GPSM1: variants seen among roughly 807,000 people sequenced by gnomAD.
GPSM1 encodes G protein-signaling modulator 1.
In GPSM1, 48 loss-of-function variants were observed where a neutral mutation model predicts 70.5. The observed-to-expected ratio is 0.68, with a 90% CI of 0.54 to 0.87. The LOEUF (loss-of-function observed/expected upper bound fraction) is 0.87. Ranked by LOEUF, GPSM1 falls within the 40% of genes least tolerant of loss-of-function variation. The pLI, the probability that GPSM1 is intolerant of heterozygous loss-of-function variation, is 0.00. For synonymous variants in GPSM1, 416 were observed against 430.1 expected (o/e 0.97, Z 0.41); for missense variants, 981 against 972.6 (o/e 1.01, Z -0.11).
chr9:136,349,746 G>T lies in GPSM1; in HGVS notation c.1438G>T (p.Val480Leu). Reference sequence around the variant, plus strand: ...CCCGCTGGACAGCGCCGACGTCCGGGTGCACGTGCCACGCACGGTAGGCGT... The same window carrying T: ...CCCGCTGGACAGCGCCGACGTCCGGTTGCACGTGCCACGCACGGTAGGCGT... ...HSPLDSADVRVHVPRTSIPRA... is the reference protein window; with the variant it reads ...HSPLDSADVRLHVPRTSIPRA... The change falls in exon 11 of 14, where the codon GTG becomes TTG. Residue 480 changes from valine to leucine, a missense_variant. By Grantham distance (32) the Val-to-Leu change is conservative (BLOSUM62 1). Transcript: ENST00000440944. 1 of 1,581,620 alleles carries T rather than the reference G, an allele frequency of 6.3e-7. No individual in the cohort carries two copies. The highest frequency in any genetic ancestry group is 8.6e-7 in the Non-Finnish European group (1 of 1,165,570).
intron 11 of GPSM1, 50 bp downstream of exon 11, chr9:136,349,813 A>G: frequency 6.7e-7 from 1 of 1,486,306 alleles, no homozygotes. Flanking sequence ...AGAGCTTGGC[A>G]ACTGCGCCCC....
intron 1 of GPSM1, among the ~76,000 whole-genome samples, chr9:136,331,205 C>CATG (rs1244237081): frequency 6.6e-6 from 1 of 152,194 alleles, no homozygotes; most frequent in Non-Finnish European, 1.5e-5. Flanking sequence ...GAACGTGGTC[C>CATG]ATGCCTCCCA....
intron 11 of GPSM1, chr9:136,354,712 C>A: frequency 1.6e-6 from 1 of 613,620 alleles, no homozygotes; most frequent in Non-Finnish European, 2.0e-6. Flanking sequence ...CACAGGAGAC[C>A]ACGCCCTCCA....
chr9:136,339,876 G>A, intron 8 of GPSM1, 61 bp downstream of exon 8: 1 of 1,085,428 alleles, frequency 9.2e-7, no homozygotes, highest in Non-Finnish European at 1.4e-6. Flanking sequence ...GACGGGCCGG[G>A]TCCCCTCTGC....
chr9:136,342,546 G>A lies in GPSM1; in HGVS notation c.1207+1553G>A, dbSNP rs565371777. 1.3e-5 allele frequency among the ~76,000 whole-genome samples: 2 copies of A among 152,284 alleles called. No individual in the cohort carries two copies. The highest frequency in any genetic ancestry group is 4.1e-4 in the South Asian group (2 of 4,832). On this transcript the variant is annotated intron_variant, in intron 9 of 13. Coordinates refer to ENST00000440944, the MANE Select transcript of GPSM1 (RefSeq NM_001145638.3). The surrounding 1 kb of genome is among the most constrained non-coding windows in gnomAD (Gnocchi z 5.5). ...CCCAGGGCAGCCCGGCAGCCTGGCT[G>A]GGGCCGCCGCCCGGCTGCCGCTGTG... is the stretch of plus-strand genomic sequence containing the variant.
At chr9:136,344,710 A>G (rs1554770963) in intron 9 of GPSM1, among the ~76,000 whole-genome samples, 1 of 143,096 alleles carries the variant, frequency 7.0e-6, no homozygotes, top group East Asian at 2.0e-4. Flanking sequence ...CAGTCTGGGC[A>G]GAGATAACAG....
At chr9:136,349,924 G>T (rs28445975) in intron 11 of GPSM1, among the ~76,000 whole-genome samples, 161 bp downstream of exon 11, 27,674 of 152,204 alleles carry the variant, frequency 0.18, 2,705 homozygotes, top group Non-Finnish European at 0.21. Flanking sequence ...CTGGGACCCC[G>T]GTGGGGGCTC....
intron 11 of GPSM1, among the ~76,000 whole-genome samples, chr9:136,352,000 A>G (rs1262838884): frequency 2.6e-5 from 4 of 152,072 alleles, no homozygotes; most frequent in Admixed American, 6.5e-5. Context: ...TCCTCAGGGA[A>G]GGGCTTTCAG....
chr9:136,334,702 G>A, intron 2 of GPSM1, 34 bp downstream of exon 2: 2 of 1,558,968 alleles, frequency 1.3e-6, no homozygotes, highest in South Asian at 1.1e-5. Context: ...CGGGTGAGTG[G>A]GGCGGCCCTG....
intron 11 of GPSM1, among the ~76,000 whole-genome samples, chr9:136,352,741 C>T (rs1405998084): frequency 6.6e-6 from 1 of 152,250 alleles, no homozygotes; most frequent in African/African-American, 2.4e-5. Context: ...CCACCTGGCC[C>T]AGCTCTGGAG....
chr9:136,337,921 G>A lies in GPSM1; in HGVS notation c.778G>A (p.Val260Ile), dbSNP rs566571346. Residue 260 changes from valine to isoleucine, a missense_variant, in exon 6 of 14, where the codon GTC (valine) becomes ATC (isoleucine). Physicochemically the swap from Val to Ile is conservative, Grantham distance 29 (BLOSUM62 3). Coordinates refer to ENST00000440944, the MANE Select transcript of GPSM1 (RefSeq NM_001145638.3). ...RAYSNLGNAH[V>I]FLGRFDVAAE... ...CTACAGCAACCTGGGGAACGCCCACGTCTTCCTGGGGCGCTTTGACGTGGC... is the reference window on the plus strand; with the variant it reads ...CTACAGCAACCTGGGGAACGCCCACATCTTCCTGGGGCGCTTTGACGTGGC... 7 of 1,612,392 alleles carry A rather than the reference G, an allele frequency of 4.3e-6. No individual in the cohort carries two copies. Among genetic ancestry groups the A allele is most frequent in the South Asian group, 3.3e-5 (3 of 91,076 alleles).
At chr9:136,348,336 C>G (rs1283241857) in intron 9 of GPSM1, among the ~76,000 whole-genome samples, 1 of 152,180 alleles carries the variant, frequency 6.6e-6, no homozygotes, top group East Asian at 1.9e-4. Flanking sequence ...CAGAGGTGAC[C>G]AGGGGCCACA....
Position 136,336,115 on chromosome 9 carries a change from C to A in GPSM1, c.426+14C>A. 1 of 1,608,252 alleles carries A rather than the reference C, an allele frequency of 6.2e-7. No individual in the cohort carries two copies. Among genetic ancestry groups the A allele is most frequent in the South Asian group, 1.1e-5 (1 of 90,862 alleles). On this transcript the variant is annotated intron_variant, in intron 3 of 13. Coordinates refer to ENST00000440944, the MANE Select transcript of GPSM1 (RefSeq NM_001145638.3). ...CAGGGAGACAAGGTGGGGGCTTGGT[C>A]CGGGGCTGGGTGTCTCCCACCCCTG...
At chr9:136,352,055 A>ACGGCGCCG (rs1832677767) in intron 11 of GPSM1, among the ~76,000 whole-genome samples, 1 of 147,834 alleles carries the variant, frequency 6.8e-6, no homozygotes. Flanking sequence ...TGATACCAAT[A>ACGGCGCCG]CTGCGCCGTT....
intron 12 of GPSM1, 32 bp from the exon 13 acceptor site, chr9:136,356,310 G>C: frequency 1.3e-6 from 2 of 1,483,368 alleles, no homozygotes; most frequent in Non-Finnish European, 1.8e-6. Context: ...CCCCGCACTG[G>C]GTCCCAGGTC....
rs782219734 is a variant in GPSM1, at chr9:136,335,998, C to A, written c.323C>A (p.Ala108Asp). The change falls in exon 3 of 14, where the codon GCC becomes GAC. Residue 108 changes from alanine to aspartate, a missense_variant. Ala to Asp is a moderately radical substitution (Grantham distance 126). Coordinates refer to ENST00000440944, the MANE Select transcript of GPSM1 (RefSeq NM_001145638.3). The part of the protein sequence containing the change: ...TIGDRMGEAK[A>D]SGNLGNTLKV... ...GGTGACCGCATGGGGGAGGCCAAGGCCAGTGGAAACCTGGGAAACACACTC... is the reference window on the plus strand; with the variant it reads ...GGTGACCGCATGGGGGAGGCCAAGGACAGTGGAAACCTGGGAAACACACTC... The A allele has an allele frequency of 6.2e-7, 1 of 1,612,552 alleles. No individual in the cohort carries two copies. Among genetic ancestry groups the A allele is most frequent in the Admixed American group, 1.7e-5 (1 of 59,988 alleles).
intron 11 of GPSM1, among the ~76,000 whole-genome samples, chr9:136,353,683 C>A (rs782405156): frequency 1.4e-4 from 21 of 152,190 alleles, no homozygotes; most frequent in Non-Finnish European, 2.6e-4. Flanking sequence ...CCTGACGGGT[C>A]CTGCCTTTCC....
intron 8 of GPSM1, 72 bp downstream of exon 8, chr9:136,339,887 C>T (rs1832343285): frequency 1.1e-6 from 1 of 915,616 alleles, no homozygotes; most frequent in African/African-American, 2.1e-5. Flanking sequence ...TCCCCTCTGC[C>T]CCGAGCGAGC....
chr9:136,358,042 C>T lies in GPSM1; in HGVS notation c.1850C>T (p.Pro617Leu). 3.1e-6 allele frequency: 5 copies of T among 1,612,666 alleles called. No homozygotes were observed. Among genetic ancestry groups the T allele is most frequent in the Non-Finnish European group, 3.4e-6 (4 of 1,179,764 alleles). ...TCCAGGATCGATGACCAGCGCTGCC[C>T]GCCACCTGACGTACTGCCCCGGGGC... The part of the protein sequence containing the change: ...QSSRIDDQRC[P>L]PPDVLPRGPT... The change falls in exon 14 of 14, where the codon CCG becomes CTG. Residue 617 changes from proline to leucine, a missense_variant. Pro to Leu is a moderately conservative substitution (Grantham distance 98, BLOSUM62 -3). Coordinates refer to ENST00000440944, the MANE Select transcript of GPSM1 (RefSeq NM_001145638.3).
Sources: allele counts gnomAD v4.1 joint callset (sites outside exome capture counted in the v4.1 genomes callset), GRCh38; gene constraint gnomAD v4.1.1; non-coding constraint Gnocchi (gnomAD v3.1); transcripts MANE v1.5; gene names NCBI Gene and HGNC (gene_info 2026-07-23, HGNC 2026-07-21).